DROSHA: variants seen among roughly 807,000 people sequenced by gnomAD.
DROSHA encodes drosha ribonuclease III.
Under a neutral mutation model 181.9 loss-of-function variants are expected in DROSHA, and 56 were observed. The observed-to-expected ratio is 0.31, with a 90% CI of 0.25 to 0.38. DROSHA has a LOEUF of 0.38. Ranked by LOEUF, DROSHA falls within the 10% of genes least tolerant of loss-of-function variation. The probability of loss-of-function intolerance (pLI) is 1.00; values close to 1 mark genes in which losing one functional copy is unlikely to be tolerated. For missense variants in DROSHA, 1,218 were observed against 1,743.5 expected, an observed-to-expected ratio of 0.70 and a Z score of 5.37; for synonymous variants, 524 against 591.2, an observed-to-expected ratio of 0.89 and a Z score of 1.65.
chr5:31,526,010 G>T, intron 5 of DROSHA, 69 bp downstream of exon 5: 1 of 1,434,384 alleles, frequency 7.0e-7, no homozygotes, highest in Non-Finnish European at 9.3e-7. Context: ...TGGTTTGGTT[G>T]TCATAAATGG....
At chr5:31,529,957 A>G (rs1043847520) in intron 3 of DROSHA, among the ~76,000 whole-genome samples, 1 of 152,214 alleles carries the variant, frequency 6.6e-6, no homozygotes, top group Non-Finnish European at 1.5e-5. Flanking sequence ...AAAAACTCAC[A>G]TAAATATTGA....
At chr5:31,458,372 A>G (rs191802182) in intron 20 of DROSHA, among the ~76,000 whole-genome samples, 2 of 152,364 alleles carry the variant, frequency 1.3e-5, no homozygotes, top group Non-Finnish European at 2.9e-5. Context: ...GTTATGGAAT[A>G]AATCAAATGA....
intron 20 of DROSHA, among the ~76,000 whole-genome samples, chr5:31,454,693 C>G (rs1416460397): frequency 6.6e-6 from 1 of 152,048 alleles, no homozygotes; most frequent in African/African-American, 2.4e-5. Flanking sequence ...GTAATCCCAG[C>G]ACTGTGGGAG....
At chr5:31,403,725 C>T (rs931684013) in intron 35 of DROSHA, among the ~76,000 whole-genome samples, 1 of 152,178 alleles carries the variant, frequency 6.6e-6, no homozygotes, top group Non-Finnish European at 1.5e-5. Flanking sequence ...CTATCCAGGC[C>T]AGTGGGCTGC....
At chr5:31,520,879 T>C (rs755274395) in intron 6 of DROSHA, among the ~76,000 whole-genome samples, 3 of 152,184 alleles carry the variant, frequency 2.0e-5, no homozygotes, top group Non-Finnish European at 4.4e-5. Flanking sequence ...TATAGCACTG[T>C]GGTCAGAAAA....
intron 6 of DROSHA, among the ~76,000 whole-genome samples, chr5:31,520,711 G>A (rs1360378950): frequency 6.6e-6 from 1 of 152,100 alleles, no homozygotes; most frequent in East Asian, 1.9e-4. Context: ...TCGGGATATA[G>A]AATTGATTAC....
At position 31,508,786 on chromosome 5, in the gene DROSHA, T is replaced by C; in HGVS notation, c.1433-11A>G. On this transcript the variant is annotated splice_polypyrimidine_tract_variant and intron_variant, in intron 9 of 35. Transcript: ENST00000344624. ...ATTCACTGGAACTCTCTAACAGGGG[T>C]TGGGAGAAAAATACAGAAATTGATG... is the stretch of plus-strand genomic sequence containing the variant. 6.2e-7 allele frequency: 1 copy of C among 1,602,580 alleles called. No homozygotes were observed. Among genetic ancestry groups the C allele is most frequent in the Non-Finnish European group, 8.5e-7 (1 of 1,174,834 alleles).
chr5:31,525,731 A>T (rs1045566905), intron 5 of DROSHA, among the ~76,000 whole-genome samples: 2 of 152,176 alleles, frequency 1.3e-5, no homozygotes, highest in African/African-American at 4.8e-5. Flanking sequence ...TGATATGATG[A>T]TCACATTGAA....
chr5:31,432,695 T>C (rs546127296), intron 25 of DROSHA, among the ~76,000 whole-genome samples: 1 of 152,284 alleles, frequency 6.6e-6, no homozygotes, highest in Admixed American at 6.5e-5. Flanking sequence ...CAGAAGAGTT[T>C]AGAGCCAAAT....
intron 11 of DROSHA, 62 bp from the exon 12 acceptor site, chr5:31,495,434 A>ATAT (rs1752869458): frequency 1.4e-6 from 2 of 1,446,398 alleles, no homozygotes; most frequent in Non-Finnish European, 1.9e-6. Flanking sequence ...ACTTAAAAAT[A>ATAT]TATTGTATTT....
intron 16 of DROSHA, among the ~76,000 whole-genome samples, chr5:31,482,884 T>C (rs970088382): frequency 1.3e-5 from 2 of 151,974 alleles, no homozygotes; most frequent in South Asian, 4.2e-4. Context: ...AAACCCTCAC[T>C]GGGCTCAAGC....
At chr5:31,442,166 A>T (rs1457198239) in intron 23 of DROSHA, among the ~76,000 whole-genome samples, 1 of 152,218 alleles carries the variant, frequency 6.6e-6, no homozygotes, top group Non-Finnish European at 1.5e-5. Flanking sequence ...CATGGTTCTA[A>T]ACAGATTTAT....
intron 20 of DROSHA, among the ~76,000 whole-genome samples, chr5:31,461,013 T>C (rs1186617167): frequency 6.6e-6 from 1 of 152,088 alleles, no homozygotes; most frequent in Non-Finnish European, 1.5e-5. Context: ...AAATAAACAA[T>C]AAAAAATGTT....
intron 29 of DROSHA, 24 bp from the exon 30 acceptor site, chr5:31,421,401 A>C (rs1742638995): frequency 6.4e-7 from 1 of 1,568,366 alleles, no homozygotes; most frequent in African/African-American, 1.4e-5. Flanking sequence ...CATCAAAGTA[A>C]AGAAATCAAT....
chr5:31,463,492 A>C lies in DROSHA; in HGVS notation c.2574+744T>G, dbSNP rs144344975. Among the ~76,000 whole-genome samples the C allele has an allele frequency of 2.6e-3, 398 of 152,330 alleles. 6 individuals carry two copies. The highest frequency in any genetic ancestry group is 9.0e-3 in the African/African-American group (373 of 41,586). On this transcript the variant is annotated intron_variant, in intron 20 of 35. Coordinates refer to ENST00000344624, the MANE Select transcript of DROSHA (RefSeq NM_001382508.1). ...AATGGAAGCCTGGAAGTATTCTTCC[A>C]AAAGGCTGAACACAGCAAACTGCAT...
chr5:31,507,415 G>A (rs1051351714), intron 10 of DROSHA, among the ~76,000 whole-genome samples: 100 of 101,742 alleles, frequency 9.8e-4, no homozygotes, highest in African/African-American at 3.0e-3. Flanking sequence ...AGCCAAGATC[G>A]CCATTGCACT....
At chr5:31,405,904 T>C (rs1284869896) in intron 34 of DROSHA, among the ~76,000 whole-genome samples, 181 bp from the exon 35 acceptor site, 3 of 150,702 alleles carry the variant, frequency 2.0e-5, no homozygotes, top group African/African-American at 7.3e-5. Flanking sequence ...GATAGGAATA[T>C]ACACAAGAGC....
chr5:31,425,483 C>G (rs1304778757), intron 27 of DROSHA, among the ~76,000 whole-genome samples: 1 of 152,118 alleles, frequency 6.6e-6, no homozygotes, highest in Non-Finnish European at 1.5e-5. Context: ...ACAACTTTCT[C>G]TCAATGCTTT....
intron 28 of DROSHA, 68 bp downstream of exon 28, chr5:31,424,359 A>G: frequency 6.5e-7 from 1 of 1,538,202 alleles, no homozygotes; most frequent in Admixed American, 2.0e-5. Flanking sequence ...AAGGAAAAAA[A>G]GGCAAAGGAA....
Sources: gnomAD v4.1 joint callset for allele counts (sites outside exome capture counted in the v4.1 genomes callset) on GRCh38, gnomAD v4.1.1 for gene constraint, MANE v1.5 for transcripts, NCBI Gene and HGNC (gene_info 2026-07-23, HGNC 2026-07-21) for gene names.